The following DENND2A variants were observed in gnomAD, a reference collection of about 807,000 sequenced individuals.
DENND2A encodes the protein DENN domain-containing protein 2A.
Under a neutral mutation model 105.3 loss-of-function variants are expected in DENND2A, and 53 were observed. That is an observed-to-expected ratio of 0.50 (90% CI 0.40 to 0.63). The LOEUF (loss-of-function observed/expected upper bound fraction) is 0.63. Among genes scored for constraint, DENND2A ranks in the 30% least tolerant of loss-of-function variants. The probability of loss-of-function intolerance (pLI) is 0.00; values close to 1 mark genes in which losing one functional copy is unlikely to be tolerated. For synonymous variants in DENND2A, 522 were observed against 508.4 expected, an observed-to-expected ratio of 1.03 and a Z score of -0.36; for missense variants, 1,138 against 1,279.6, an observed-to-expected ratio of 0.89 and a Z score of 1.69.
At chr7:140,626,935 C>T (rs1434728594) in intron 1 of DENND2A, among the ~76,000 whole-genome samples, 16 of 152,272 alleles carry the variant, frequency 1.1e-4, no homozygotes, top group Non-Finnish European at 8.8e-5. Flanking sequence ...GGTTTAAATT[C>T]CAGTGAACTT....
chr7:140,613,647 T>C (rs1231487107), intron 1 of DENND2A, among the ~76,000 whole-genome samples: 14 of 148,206 alleles, frequency 9.4e-5, no homozygotes, highest in Admixed American at 7.4e-4. Context: ...CTGCTTTGCC[T>C]ATGGAGCAGC....
At position 140,527,641 on chromosome 7, in the gene DENND2A, C is replaced by T. The variant is rs1796113487; in HGVS notation, c.2328-146G>A. On this transcript the variant is annotated intron_variant, in intron 14 of 19. Coordinates refer to ENST00000496613, the MANE Select transcript of DENND2A (RefSeq NM_015689.5). The surrounding 1 kb of genome is among the most constrained non-coding windows in gnomAD (Gnocchi z 4.9). ...CCGGTGGAGCACATGATGGTCTCAG[C>T]ACAGGCCACACCAGGCACTTAGAGC... 1 of 836,632 alleles carries T rather than the reference C, an allele frequency of 1.2e-6. No individual in the cohort carries two copies. Among genetic ancestry groups the T allele is most frequent in the Non-Finnish European group, 1.8e-6 (1 of 553,974 alleles). 51.8% of individuals were successfully genotyped at this position (836,632 alleles called of 1,614,324 possible).
intron 1 of DENND2A, among the ~76,000 whole-genome samples, chr7:140,632,672 G>GCACC: frequency 6.6e-6 from 1 of 151,398 alleles, no homozygotes; most frequent in South Asian, 2.1e-4. Context: ...GGGTTCAAGT[G>GCACC]ATTCACCTGC....
chr7:140,588,387 C>T (rs1045083578), intron 3 of DENND2A, among the ~76,000 whole-genome samples: 5 of 152,120 alleles, frequency 3.3e-5, no homozygotes, highest in African/African-American at 1.2e-4. Flanking sequence ...GGAGCAGTGG[C>T]TCACTAGTAT....
chr7:140,629,948 C>A (rs1275551301), intron 1 of DENND2A, among the ~76,000 whole-genome samples: 1 of 151,310 alleles, frequency 6.6e-6, no homozygotes, highest in Non-Finnish European at 1.5e-5. Flanking sequence ...ACCTCCACCT[C>A]CTGGGTTCAA....
At chr7:140,539,641 G>A (rs1270532915) in intron 14 of DENND2A, among the ~76,000 whole-genome samples, 4 of 152,178 alleles carry the variant, frequency 2.6e-5, no homozygotes, top group Non-Finnish European at 5.9e-5. Flanking sequence ...TCCTCTGCAC[G>A]CCTGTTAGTT....
chr7:140,531,928 T>A (rs1156585100), intron 14 of DENND2A, among the ~76,000 whole-genome samples: 3 of 151,532 alleles, frequency 2.0e-5, no homozygotes, highest in Admixed American at 2.0e-4. Flanking sequence ...CATTGTGGGC[T>A]GCAATGAAAA....
intron 1 of DENND2A, chr7:140,609,840 T>A (rs1337628120): frequency 6.6e-6 from 1 of 152,204 alleles, no homozygotes; most frequent in African/African-American, 2.4e-5. Context: ...GTTAAGAAGC[T>A]GGGTGGGACT....
intron 6 of DENND2A, among the ~76,000 whole-genome samples, chr7:140,571,373 G>T (rs1178609682): frequency 1.3e-5 from 2 of 152,088 alleles, no homozygotes; most frequent in Admixed American, 1.3e-4. Flanking sequence ...TGTTGGCCAG[G>T]CTGGTCTCGA....
intron 3 of DENND2A, among the ~76,000 whole-genome samples, chr7:140,599,938 G>A (rs1347425261): frequency 2.6e-5 from 4 of 152,168 alleles, no homozygotes; most frequent in East Asian, 3.9e-4. Context: ...AATGTTCTAC[G>A]GATGGGAAGT....
intron 3 of DENND2A, among the ~76,000 whole-genome samples, chr7:140,601,156 T>C (rs1360947773): frequency 2.0e-5 from 3 of 152,196 alleles, no homozygotes. Context: ...TTATTACATC[T>C]AAAGGGTAAT....
chr7:140,518,936 G>T (rs1418421370), intron 19 of DENND2A, among the ~76,000 whole-genome samples, 198 bp from the exon 20 acceptor site: 1 of 152,158 alleles, frequency 6.6e-6, no homozygotes, highest in African/African-American at 2.4e-5. Context: ...GACTTGAGGG[G>T]GTTTGAAAGG....
intron 14 of DENND2A, among the ~76,000 whole-genome samples, chr7:140,528,929 C>T (rs750666751): frequency 2.0e-4 from 30 of 151,888 alleles, no homozygotes; most frequent in Admixed American, 3.3e-4. Flanking sequence ...CATGGTGATA[C>T]CTCATCTCTA....
chr7:140,518,863 C>A, intron 19 of DENND2A, 125 bp from the exon 20 acceptor site: 1 of 792,622 alleles, frequency 1.3e-6, no homozygotes, highest in South Asian at 1.6e-5. Flanking sequence ...GAGCCTCATC[C>A]CTTGCTCTGG....
chr7:140,583,842 C>T (rs1343377331), intron 5 of DENND2A, among the ~76,000 whole-genome samples: 3 of 147,716 alleles, frequency 2.0e-5, no homozygotes, highest in East Asian at 2.0e-4. Flanking sequence ...CGGAGAATGG[C>T]GTAAACCTGG....
chr7:140,632,839 A>G (rs550030587), intron 1 of DENND2A, among the ~76,000 whole-genome samples: 3 of 146,700 alleles, frequency 2.0e-5, no homozygotes, highest in African/African-American at 7.6e-5. Context: ...TGTTGGGGTT[A>G]CAGGCATGAG....
chr7:140,598,547 T>C (rs546634215), intron 3 of DENND2A, among the ~76,000 whole-genome samples: 4 of 152,332 alleles, frequency 2.6e-5, no homozygotes, highest in East Asian at 1.9e-4. Flanking sequence ...GTTATATTCA[T>C]AGTTTCTATG....
intron 5 of DENND2A, among the ~76,000 whole-genome samples, chr7:140,583,523 G>T (rs1251597958): frequency 6.7e-6 from 1 of 150,084 alleles, no homozygotes; most frequent in Non-Finnish European, 1.5e-5. Flanking sequence ...TGGCACCTGT[G>T]GGCCACATCT....
intron 1 of DENND2A, among the ~76,000 whole-genome samples, chr7:140,626,725 G>A (rs1388434932): frequency 6.6e-6 from 1 of 152,002 alleles, no homozygotes; most frequent in Non-Finnish European, 1.5e-5. Flanking sequence ...GAGTTTCCAG[G>A]CCTGGCTCCC....
Sources: gnomAD v4.1 joint callset for allele counts (sites outside exome capture counted in the v4.1 genomes callset) on GRCh38, gnomAD v4.1.1 for gene constraint, Gnocchi (gnomAD v3.1) non-coding constraint, MANE v1.5 for transcripts, NCBI Gene and HGNC (gene_info 2026-07-23, HGNC 2026-07-21) for gene names.